Variants in AHCTF1 observed in about 807,000 individuals in gnomAD.
The protein encoded by AHCTF1 is AT-hook containing transcription factor 1, also known as protein ELYS.
Under a neutral mutation model 248.4 loss-of-function variants are expected in AHCTF1, and 24 were observed. The ratio of observed to expected loss-of-function variants is 0.10; its 90% CI spans 0.07 to 0.14. The LOEUF (loss-of-function observed/expected upper bound fraction) is 0.14. Ranked by LOEUF, AHCTF1 falls within the 10% of genes least tolerant of loss-of-function variation. The pLI is 1.00. For synonymous variants in AHCTF1, 786 were observed against 929.8 expected (o/e 0.85, Z 2.81); for missense variants, 2,206 against 2,636.2 (o/e 0.84, Z 3.57).
intron 20 of AHCTF1, among the ~76,000 whole-genome samples, chr1:246,886,043 T>C (rs759297998): frequency 2.0e-5 from 3 of 151,890 alleles, no homozygotes; most frequent in Non-Finnish European, 2.9e-5. Context: ...AAAGTAAGTT[T>C]AAACAAAAAA....
chr1:246,842,588 A>T, intron 35 of AHCTF1, 106 bp downstream of exon 35: 1 of 885,244 alleles, frequency 1.1e-6, no homozygotes, highest in Admixed American at 3.8e-5. Flanking sequence ...TCTCAAAAAA[A>T]ATAAATAAAA....
intron 29 of AHCTF1, among the ~76,000 whole-genome samples, chr1:246,858,995 G>C (rs986153985): frequency 6.6e-6 from 1 of 152,140 alleles, no homozygotes; most frequent in Non-Finnish European, 1.5e-5. Context: ...GGGAGGCTGA[G>C]GCAAGAGAAG....
intron 20 of AHCTF1, among the ~76,000 whole-genome samples, chr1:246,886,719 T>C (rs577907246): frequency 6.6e-6 from 1 of 152,312 alleles, no homozygotes; most frequent in East Asian, 1.9e-4. Flanking sequence ...CCATTTTATA[T>C]AAGAGACATG....
intron 8 of AHCTF1, 86 bp from the exon 9 acceptor site, chr1:246,900,555 T>C: frequency 7.2e-7 from 1 of 1,393,346 alleles, no homozygotes; most frequent in Non-Finnish European, 9.7e-7. Context: ...GATTTTCTCA[T>C]AAATTAAGCG....
chr1:246,909,068 T>C (rs1297892175), intron 4 of AHCTF1, among the ~76,000 whole-genome samples: 2 of 136,692 alleles, frequency 1.5e-5, no homozygotes, highest in African/African-American at 5.7e-5. Context: ...ATTCTATATC[T>C]ATATATATCT....
chr1:246,848,069 A>G (rs1330363155), intron 33 of AHCTF1, among the ~76,000 whole-genome samples: 1 of 152,212 alleles, frequency 6.6e-6, no homozygotes, highest in East Asian at 1.9e-4. Flanking sequence ...ATTAAGTTAT[A>G]CTACCAAAAT....
chr1:246,877,136 G>A, intron 22 of AHCTF1, 22 bp downstream of exon 22: 2 of 1,612,360 alleles, frequency 1.2e-6, no homozygotes, highest in South Asian at 1.1e-5. Flanking sequence ...TTTCTGACAA[G>A]TTTACATCGG....
chr1:246,845,163 T>G (rs1212339643), intron 33 of AHCTF1, among the ~76,000 whole-genome samples: 1 of 152,220 alleles, frequency 6.6e-6, no homozygotes, highest in Non-Finnish European at 1.5e-5. Flanking sequence ...AGTCAAGAGT[T>G]CTATCAAATT....
In AHCTF1 at chr1:246,931,068, G is replaced by A. The variant is rs528116595; in HGVS notation, c.-8+510C>T. ...AAATCTCCTTGATCTGACCAATCGG[G>A]TGAGCTGGAACCTCACGGCTGAGCC... On this transcript the variant is annotated intron_variant, in intron 1 of 35. Coordinates refer to ENST00000648844, the MANE Select transcript of AHCTF1 (RefSeq NM_001323342.2). 4.0e-4 allele frequency: 612 copies of A among 1,537,608 alleles called. 7 individuals carry two copies. The Middle Eastern group carries it at 5.7e-3, about 14-fold the overall frequency.
intron 31 of AHCTF1, among the ~76,000 whole-genome samples, chr1:246,853,767 T>C (rs1259175037): frequency 6.6e-6 from 1 of 152,176 alleles, no homozygotes; most frequent in African/African-American, 2.4e-5. Flanking sequence ...AATCCTTTAG[T>C]GTTTAACAAC....
rs1247027698 is a variant in AHCTF1 at position 246,931,412 on chromosome 1, C to T, written c.-8+166G>A. On this transcript the variant is annotated intron_variant, in intron 1 of 35. Coordinates refer to ENST00000648844, the MANE Select transcript of AHCTF1 (RefSeq NM_001323342.2). ...GTACCCGCCACCGCCACCGCTCGCC[C>T]CCTCGAGCCCCATCCGTTGGCCCCG... 4 of 1,472,074 alleles carry T rather than the reference C, an allele frequency of 2.7e-6. No individual in the cohort carries two copies. In the African/African-American group the frequency reaches 5.8e-5, roughly 21 times the overall value. The allele number at this position is 1,472,074 out of a possible 1,614,324, so 91.2% of individuals were successfully genotyped here.
rs559053589 is a variant in AHCTF1, at chr1:246,915,173, T to C, written c.375+969A>G. ...GGTGAAACCCCATCTCTACTAAAAA[T>C]ACAAAAATTAGCTGGGCGTGGTGGT... On this transcript the variant is annotated intron_variant, in intron 3 of 35. Coordinates refer to ENST00000648844, the MANE Select transcript of AHCTF1 (RefSeq NM_001323342.2). 8.6e-5 allele frequency among the ~76,000 whole-genome samples: 13 copies of C among 151,910 alleles called. No homozygotes were observed. In the East Asian group the frequency reaches 1.9e-3, roughly 23 times the overall value.
At chr1:246,851,541 A>G in intron 32 of AHCTF1, 99 bp from the exon 33 acceptor site, 2 of 1,060,676 alleles carry the variant, frequency 1.9e-6, no homozygotes, top group Non-Finnish European at 2.7e-6. Context: ...TGTGCCTTTT[A>G]AAACATAAAT....
chr1:246,872,853 A>C (rs1388636040), intron 24 of AHCTF1, among the ~76,000 whole-genome samples: 1 of 152,216 alleles, frequency 6.6e-6, no homozygotes, highest in Non-Finnish European at 1.5e-5. Context: ...ACAAACTCTT[A>C]AAACATGTGA....
intron 21 of AHCTF1, among the ~76,000 whole-genome samples, chr1:246,880,291 G>A (rs1373702507): frequency 6.6e-6 from 1 of 151,674 alleles, no homozygotes; most frequent in African/African-American, 2.4e-5. Flanking sequence ...TAGGCAGGGT[G>A]TGGTGGCTCA....
chr1:246,854,363 C>A (rs913856808), intron 31 of AHCTF1, among the ~76,000 whole-genome samples: 2 of 151,262 alleles, frequency 1.3e-5, no homozygotes, highest in Non-Finnish European at 2.9e-5. Flanking sequence ...TAGGAATCTA[C>A]CCGAAAGAAA....
chr1:246,866,747 C>T (rs1662008666), intron 26 of AHCTF1, among the ~76,000 whole-genome samples: 1 of 152,116 alleles, frequency 6.6e-6, no homozygotes, highest in Non-Finnish European at 1.5e-5. Flanking sequence ...GAACACTTTT[C>T]AACTAACCAA....
At chr1:246,882,750 GTC>G (rs1049554274) in intron 21 of AHCTF1, among the ~76,000 whole-genome samples, 3 of 152,188 alleles carry the variant, frequency 2.0e-5, no homozygotes, top group Non-Finnish European at 4.4e-5. Flanking sequence ...TTATTTGTAA[GTC>G]TGTTGCTGTA....
At chr1:246,895,985 C>G in intron 12 of AHCTF1, 60 bp from the exon 13 acceptor site, 1 of 1,413,358 alleles carries the variant, frequency 7.1e-7, no homozygotes, top group Non-Finnish European at 9.8e-7. Flanking sequence ...AGATCATAGG[C>G]AAGTTCTGGT....
Sources: gnomAD v4.1 joint callset for allele counts (sites outside exome capture counted in the v4.1 genomes callset) on GRCh38, gnomAD v4.1.1 for gene constraint, MANE v1.5 for transcripts, NCBI Gene and HGNC (gene_info 2026-07-23, HGNC 2026-07-21) for gene names.